KIF13A: variants seen among roughly 807,000 people sequenced by gnomAD.
The protein encoded by KIF13A is kinesin family member 13A, also known as kinesin-like protein KIF13A.
A neutral mutation model predicts 212.2 loss-of-function variants in KIF13A; 79 were observed. That is an observed-to-expected ratio of 0.37 (90% confidence interval 0.31 to 0.45). The LOEUF (loss-of-function observed/expected upper bound fraction) is 0.45. KIF13A is among the 20% of genes least tolerant of loss of function. KIF13A has a pLI of 1.00. For missense variants in KIF13A, 1,901 were observed against 2,209.0 expected, an observed-to-expected ratio of 0.86 and a Z score of 2.79; for synonymous variants, 789 against 808.6, an observed-to-expected ratio of 0.98 and a Z score of 0.41.
At chr6:17,930,527 A>G (rs766121432) in intron 2 of KIF13A, among the ~76,000 whole-genome samples, 3 of 152,232 alleles carry the variant, frequency 2.0e-5, no homozygotes, top group Non-Finnish European at 4.4e-5. Flanking sequence ...GCTATCTTGC[A>G]TTTGCTAAAG....
chr6:17,799,892 G>T lies in KIF13A; in HGVS notation c.2616+60C>A. ...ATGAAAAACTCTCATAAGATTTTTTGTAAAATGGTTTTGCATGAAAAAGGT... is the reference window on the plus strand; with the variant it reads ...ATGAAAAACTCTCATAAGATTTTTTTTAAAATGGTTTTGCATGAAAAAGGT... On this transcript the variant is annotated intron_variant, in intron 21 of 38. Transcript: ENST00000259711. The surrounding 1 kb of genome is among the most constrained non-coding windows in gnomAD (Gnocchi z 4.4). The T allele has an allele frequency of 1.3e-6, 2 of 1,553,124 alleles. No individual in the cohort carries two copies. The highest frequency in any genetic ancestry group is 1.9e-5 in the Admixed American group (1 of 51,660).
rs1294221324 is a variant in KIF13A at position 17,856,936 on chromosome 6, T to G, written c.221-814A>C. Among the ~76,000 whole-genome samples, 1 of 152,236 alleles carries G rather than the reference T, an allele frequency of 6.6e-6. No individual in the cohort carries two copies. The highest frequency in any genetic ancestry group is 1.5e-5 in the Non-Finnish European group (1 of 68,042). ...CATTTGCAGAAACTACTAGTTTAAG[T>G]ACCTGTTTCCTCCACTGGCATGAGA... On this transcript the variant is annotated intron_variant, in intron 4 of 38. Coordinates refer to ENST00000259711, the MANE Select transcript of KIF13A (RefSeq NM_022113.6). The surrounding 1 kb of genome is among the most constrained non-coding windows in gnomAD (Gnocchi z 4.5).
At chr6:17,879,247 T>C (rs1770844189) in intron 3 of KIF13A, among the ~76,000 whole-genome samples, 1 of 152,118 alleles carries the variant, frequency 6.6e-6, no homozygotes, top group African/African-American at 2.4e-5. Flanking sequence ...CAAATCTAAA[T>C]GGTGAGCTCC....
chr6:17,764,632 G>A lies in KIF13A; in HGVS notation c.4896C>T (p.Ser1632=), dbSNP rs758106585. The change falls in exon 39 of 39, where the codon TCC becomes TCT. Residue 1632 remains serine, a synonymous_variant. Transcript: ENST00000259711. This position sits in a 1 kb window ranked among gnomAD's most constrained non-coding sequence, Gnocchi z 5.1. The stretch of plus-strand genomic sequence containing the variant: ...CAAGCGATGGTGTGGAGTGCTCGGT[G>A]GAGTCTGCATCCTTCGTCTGAATGG... ...QLAIQTKDAD[S]TEHSTPSLVH... is the part of the protein sequence containing the mutation. The A allele has an allele frequency of 6.2e-7, 1 of 1,613,538 alleles. No homozygotes were observed. The highest frequency in any genetic ancestry group is 8.5e-7 in the Non-Finnish European group (1 of 1,179,732).
At chr6:17,868,205 T>C (rs1402650426) in intron 4 of KIF13A, among the ~76,000 whole-genome samples, 1 of 152,254 alleles carries the variant, frequency 6.6e-6, no homozygotes, top group East Asian at 1.9e-4. Flanking sequence ...GATATGCCAC[T>C]ACCAGACTGC....
chr6:17,941,120 T>A (rs981247364), intron 2 of KIF13A, among the ~76,000 whole-genome samples: 1 of 152,166 alleles, frequency 6.6e-6, no homozygotes, highest in African/African-American at 2.4e-5. Flanking sequence ...CCATTGCACC[T>A]GGCCCAACAT....
chr6:17,964,031 A>G (rs1425962646), intron 2 of KIF13A, among the ~76,000 whole-genome samples: 2 of 152,184 alleles, frequency 1.3e-5, no homozygotes, highest in Non-Finnish European at 2.9e-5. Context: ...GCAGGAGGAT[A>G]GCTTGATTCC....
chr6:17,797,526 G>T (rs539429741), intron 22 of KIF13A, among the ~76,000 whole-genome samples: 1 of 152,246 alleles, frequency 6.6e-6, no homozygotes, highest in East Asian at 1.9e-4. Context: ...AATAATAACA[G>T]AATTAAATTT....
rs1761036828 is a variant in KIF13A at position 17,786,151 on chromosome 6, T to C, written c.3362-510A>G. ...GAGGTTATTTTACTGGTTCTGTAAT[T>C]TGGGGAAGTTATCCAACAGATGAGT... On this transcript the variant is annotated intron_variant, in intron 27 of 38. Transcript: ENST00000259711. The surrounding 1 kb of genome is among the most constrained non-coding windows in gnomAD (Gnocchi z 5.4). 6.6e-6 allele frequency among the ~76,000 whole-genome samples: 1 copy of C among 152,138 alleles called. No homozygotes were observed. The highest frequency in any genetic ancestry group is 2.1e-4 in the South Asian group (1 of 4,828).
rs1340658654 is a variant in KIF13A, at chr6:17,934,628, A to G, written c.147-36448T>C. Among the ~76,000 whole-genome samples, 2 of 152,122 alleles carry G rather than the reference A, an allele frequency of 1.3e-5. No individual in the cohort carries two copies. The highest frequency in any genetic ancestry group is 3.9e-4 in the East Asian group (2 of 5,156). On this transcript the variant is annotated intron_variant, in intron 2 of 38. Transcript: ENST00000259711. This position sits in a 1 kb window ranked among gnomAD's most constrained non-coding sequence, Gnocchi z 5.4. Reference sequence around the variant, plus strand: ...CATAGGGAAACCCTGTCTCTACAAAAATATTAAAAATTAGCAGGGCATGGT... The same window carrying G: ...CATAGGGAAACCCTGTCTCTACAAAGATATTAAAAATTAGCAGGGCATGGT...
chr6:17,975,304 G>A (rs1011461714), intron 2 of KIF13A, among the ~76,000 whole-genome samples: 1 of 151,722 alleles, frequency 6.6e-6, no homozygotes, highest in Non-Finnish European at 1.5e-5. Context: ...AATGAGCTGA[G>A]ACTGTGTTCC....
chr6:17,767,655 C>A (rs1759133549), intron 38 of KIF13A, among the ~76,000 whole-genome samples: 3 of 152,190 alleles, frequency 2.0e-5, no homozygotes, highest in African/African-American at 7.2e-5. Flanking sequence ...CAATTAATTA[C>A]TAAATTACTA....
chr6:17,980,261 A>C (rs774958213), intron 2 of KIF13A, among the ~76,000 whole-genome samples: 1 of 152,254 alleles, frequency 6.6e-6, no homozygotes, highest in Non-Finnish European at 1.5e-5. Flanking sequence ...CAGCCACACT[A>C]TCAATAAGGT....
At chr6:17,774,008 CCAAGG>C (rs1239895154) in intron 35 of KIF13A, among the ~76,000 whole-genome samples, 1 of 152,100 alleles carries the variant, frequency 6.6e-6, no homozygotes, top group African/African-American at 2.4e-5. Flanking sequence ...CTGAGACTGT[CCAAGG>C]CAAATTTGGC....
intron 2 of KIF13A, among the ~76,000 whole-genome samples, chr6:17,977,325 A>T (rs1331622298): frequency 6.6e-6 from 1 of 152,148 alleles, no homozygotes; most frequent in Non-Finnish European, 1.5e-5. Context: ...TTTTATCTTC[A>T]CTATAATGTA....
chr6:17,909,649 C>T (rs981877528), intron 2 of KIF13A, among the ~76,000 whole-genome samples: 23 of 151,982 alleles, frequency 1.5e-4, no homozygotes, highest in African/African-American at 4.3e-4. Context: ...AATCCCGGCA[C>T]GTTGGGAGGC....
intron 2 of KIF13A, among the ~76,000 whole-genome samples, chr6:17,935,011 C>T (rs1328695671): frequency 1.3e-5 from 2 of 152,120 alleles, no homozygotes; most frequent in Admixed American, 6.6e-5. Flanking sequence ...TCCCACCACG[C>T]TAAGGGCAAC....
chr6:17,868,315 T>C (rs772789723), intron 4 of KIF13A, among the ~76,000 whole-genome samples: 2 of 152,108 alleles, frequency 1.3e-5, no homozygotes, highest in African/African-American at 2.4e-5. Flanking sequence ...TGGCACATTT[T>C]AGAAATGTTA....
intron 3 of KIF13A, among the ~76,000 whole-genome samples, chr6:17,879,600 C>G (rs1347429141): frequency 6.6e-6 from 1 of 152,184 alleles, no homozygotes; most frequent in Non-Finnish European, 1.5e-5. Flanking sequence ...AAGGGCATAT[C>G]ATGCACAATT....
Sources: allele counts gnomAD v4.1 joint callset (sites outside exome capture counted in the v4.1 genomes callset), GRCh38; gene constraint gnomAD v4.1.1; non-coding constraint Gnocchi (gnomAD v3.1); transcripts MANE v1.5; gene names NCBI Gene and HGNC (gene_info 2026-07-23, HGNC 2026-07-21).